ANKS1A: variants seen among roughly 807,000 people sequenced by gnomAD.
ANKS1A encodes the protein ankyrin repeat and SAM domain-containing protein 1A.
Under a neutral mutation model 120.3 loss-of-function variants are expected in ANKS1A, and 55 were observed. The observed-to-expected ratio is 0.46, with a 90% CI of 0.37 to 0.57. ANKS1A has a LOEUF of 0.57. ANKS1A is among the 20% of genes least tolerant of loss of function. The pLI, the probability that ANKS1A is intolerant of heterozygous loss-of-function variation, is 0.00. For missense variants in ANKS1A, 1,123 were observed against 1,480.3 expected (o/e 0.76, Z 3.96); for synonymous variants, 590 against 604.7 (o/e 0.98, Z 0.36).
chr6:34,944,430 C>T (rs887610563), intron 1 of ANKS1A, among the ~76,000 whole-genome samples: 1 of 152,182 alleles, frequency 6.6e-6, no homozygotes, highest in African/African-American at 2.4e-5. Context: ...TTTTAACTTG[C>T]ATTTCCCTAA....
chr6:35,088,648 G>C lies in ANKS1A; in HGVS notation c.*39G>C, dbSNP rs369393468. The C allele has an allele frequency of 1.2e-6, 2 of 1,614,156 alleles. No homozygotes were observed. The highest frequency in any genetic ancestry group is 1.1e-5 in the South Asian group (1 of 91,080). ...CACACTGTGCTGCGGAAACATAGAC[G>C]TGGGGGCATAGGCTCCCACTGCCAC... is the stretch of plus-strand genomic sequence containing the variant. On this transcript the variant is annotated 3_prime_UTR_variant, in exon 24 of 24. Transcript: ENST00000360359.
chr6:35,078,618 C>A lies in ANKS1A; in HGVS notation c.2245C>A (p.Arg749=), dbSNP rs775309517. 1.2e-6 allele frequency: 2 copies of A among 1,606,132 alleles called. No individual in the cohort carries two copies. Among genetic ancestry groups the A allele is most frequent in the African/African-American group, 2.7e-5 (2 of 74,878 alleles). The part of the protein sequence containing the change: ...RDIGISDPQH[R]RKLLQAARSL... ...CATCGGCATCAGCGACCCACAGCAC[C>A]GGCGGAAGCTGCTCCAGGCGGCACG... Residue 749 remains arginine (R), a synonymous_variant, in exon 14 of 24, where the codon CGG becomes AGG. Coordinates refer to ENST00000360359, the MANE Select transcript of ANKS1A (RefSeq NM_015245.3).
chr6:35,071,703 C>T (rs1037942832), intron 13 of ANKS1A, among the ~76,000 whole-genome samples: 4 of 152,246 alleles, frequency 2.6e-5, no homozygotes, highest in African/African-American at 9.6e-5. Context: ...GCTGGCCACA[C>T]GCTCCCAGTC....
At chr6:34,944,542 G>T (rs1442764763) in intron 1 of ANKS1A, among the ~76,000 whole-genome samples, 1 of 152,068 alleles carries the variant, frequency 6.6e-6, no homozygotes, top group African/African-American at 2.4e-5. Flanking sequence ...TTTAAATTAG[G>T]TTGTTTTCTT....
Position 35,089,487 on chromosome 6 carries a change from G to A in ANKS1A, c.*878G>A, listed in dbSNP as rs1778182218. 1.0e-6 allele frequency: 1 copy of A among 986,530 alleles called. No individual in the cohort carries two copies. The highest frequency in any genetic ancestry group is 6.1e-5 in the Admixed American group (1 of 16,336). The allele number at this position is 986,530 out of a possible 1,614,324, so 61.1% of individuals were successfully genotyped here. A position where few individuals can be genotyped will look rare whatever the true frequency, so the allele number is the denominator to read the frequency against. ...AGCTTTGTTTGGGGCATTAATGCTT[G>A]GAGTGGGGTCAGCTAAGGTTGCTAC... On this transcript the variant is annotated 3_prime_UTR_variant, in exon 24 of 24. Coordinates refer to ENST00000360359, the MANE Select transcript of ANKS1A (RefSeq NM_015245.3).
intron 1 of ANKS1A, among the ~76,000 whole-genome samples, chr6:34,931,149 T>TC (rs1768961903): frequency 4.9e-5 from 7 of 144,182 alleles, no homozygotes; most frequent in Admixed American, 4.8e-4. Context: ...AAGGCTGTTT[T>TC]CTTTTTTTTT....
In ANKS1A at chr6:34,957,895, T is replaced by C. The variant is rs1200661563; in HGVS notation, c.198-9344T>C. Among the ~76,000 whole-genome samples, 13 of 152,244 alleles carry C rather than the reference T, an allele frequency of 8.5e-5. No homozygotes were observed. In the East Asian group the frequency reaches 2.5e-3, roughly 29 times the overall value. On this transcript the variant is annotated intron_variant, in intron 1 of 23. Transcript: ENST00000360359. ...ATGACAATCAGCAAGCCATTTGAAC[T>C]TCAGTTTTCTTACCTGTAAAATGGA... is the stretch of plus-strand genomic sequence containing the variant.
intron 1 of ANKS1A, among the ~76,000 whole-genome samples, chr6:34,924,131 T>TGTGTGTGTGTGTG (rs1561850542): frequency 8.2e-6 from 1 of 121,312 alleles, no homozygotes. Context: ...GTGTGTGTAT[T>TGTGTGTGTGTGTG]TTTCTTTTCC....
At chr6:34,916,013 G>T (rs1369920945) in intron 1 of ANKS1A, among the ~76,000 whole-genome samples, 6 of 123,966 alleles carry the variant, frequency 4.8e-5, no homozygotes, top group Admixed American at 8.5e-5. Context: ...TTTTTTTGGA[G>T]ATGGAGTCTT....
chr6:34,981,541 G>T, intron 3 of ANKS1A, 149 bp from the exon 4 acceptor site: 1 of 781,868 alleles, frequency 1.3e-6, no homozygotes, highest in Non-Finnish European at 2.0e-6. Context: ...GTTTGTGGGG[G>T]AGTATGTCTG....
In ANKS1A at chr6:35,090,059, C is replaced by CT. The variant is rs1778214801; in HGVS notation, c.*1451dup. 1 of 1,261,596 alleles carries CT rather than the reference C, an allele frequency of 7.9e-7. No homozygotes were observed. The highest frequency in any genetic ancestry group is 1.0e-6 in the Non-Finnish European group (1 of 973,700). 78.2% of individuals were successfully genotyped at this position (1,261,596 alleles called of 1,614,324 possible). On this transcript the variant is annotated 3_prime_UTR_variant, in exon 24 of 24. Coordinates refer to ENST00000360359, the MANE Select transcript of ANKS1A (RefSeq NM_015245.3). ...AGAAATCAGAAGTGGGGCTGTGTCTCTGACTGGCTAGAGGCCAGGCCTTGT... is the reference window on the plus strand; with the variant it reads ...AGAAATCAGAAGTGGGGCTGTGTCTCTTGACTGGCTAGAGGCCAGGCCTTGT...
At chr6:34,988,227 T>G (rs1772312408) in intron 8 of ANKS1A, among the ~76,000 whole-genome samples, 1 of 152,246 alleles carries the variant, frequency 6.6e-6, no homozygotes, top group Non-Finnish European at 1.5e-5. Flanking sequence ...ACTTTTGCAT[T>G]ATAATGGCAG....
Position 35,082,584 on chromosome 6 carries a change from T to C in ANKS1A, c.2710-107T>C. 9 of 1,434,554 alleles carry C rather than the reference T, an allele frequency of 6.3e-6. No individual in the cohort carries two copies. Among genetic ancestry groups the C allele is most frequent in the East Asian group, 2.4e-5 (1 of 40,874 alleles). The allele number at this position is 1,434,554 out of a possible 1,614,324, so 88.9% of individuals were successfully genotyped here. A position where few individuals can be genotyped will look rare whatever the true frequency, so the allele number is the denominator to read the frequency against. On this transcript the variant is annotated intron_variant, in intron 17 of 23. Coordinates refer to ENST00000360359, the MANE Select transcript of ANKS1A (RefSeq NM_015245.3). This position sits in a 1 kb window ranked among gnomAD's most constrained non-coding sequence, Gnocchi z 4.1. The stretch of plus-strand genomic sequence containing the variant: ...GCCATCTCCACTCGACCCTTGAACT[T>C]GCTAAGGTCACTGGCATCTTCACCC...
rs1778184304 is a variant in ANKS1A at position 35,089,520 on chromosome 6, T to C, written c.*911T>C. 9 of 986,370 alleles carry C rather than the reference T, an allele frequency of 9.1e-6. No homozygotes were observed. The highest frequency in any genetic ancestry group is 1.1e-5 in the Non-Finnish European group (9 of 830,440). 61.1% of individuals were successfully genotyped at this position (986,370 alleles called of 1,614,324 possible). ...GTCAGCTAAGGTTGCTACTTGCCAA[T>C]TTGTGATTTGTCTAATCAGCCTGTG... On this transcript the variant is annotated 3_prime_UTR_variant, in exon 24 of 24. Coordinates refer to ENST00000360359, the MANE Select transcript of ANKS1A (RefSeq NM_015245.3).
chr6:34,954,736 G>A lies in ANKS1A; in HGVS notation c.198-12503G>A, dbSNP rs117109498. On this transcript the variant is annotated intron_variant, in intron 1 of 23. Coordinates refer to ENST00000360359, the MANE Select transcript of ANKS1A (RefSeq NM_015245.3). ...AGGTCCTGCCCACCTGTCACGTAGC[G>A]TCAGCATCCTTTGTGCATCAGTCCC... 6.0e-4 allele frequency among the ~76,000 whole-genome samples: 91 copies of A among 152,276 alleles called. No individual in the cohort carries two copies. The East Asian group carries it at 7.3e-3, about 12-fold the overall frequency.
chr6:34,934,279 C>T (rs1186129494), intron 1 of ANKS1A, among the ~76,000 whole-genome samples: 1 of 152,100 alleles, frequency 6.6e-6, no homozygotes, highest in Non-Finnish European at 1.5e-5. Flanking sequence ...TCCGGAGCAG[C>T]TGGGACTACA....
chr6:34,895,374 T>C (rs761438223), intron 1 of ANKS1A, among the ~76,000 whole-genome samples: 5 of 152,160 alleles, frequency 3.3e-5, no homozygotes, highest in Non-Finnish European at 7.3e-5. Context: ...GTTAGTGTTA[T>C]TATTTTTTAA....
chr6:34,947,978 A>G (rs1025656731), intron 1 of ANKS1A, among the ~76,000 whole-genome samples: 1 of 152,188 alleles, frequency 6.6e-6, no homozygotes, highest in Non-Finnish European at 1.5e-5. Context: ...ATTTAAACAT[A>G]TTACAATTAG....
rs1252784406 is a variant in ANKS1A, at chr6:35,090,825, C to T, written c.*2216C>T. On this transcript the variant is annotated 3_prime_UTR_variant, in exon 24 of 24. Coordinates refer to ENST00000360359, the MANE Select transcript of ANKS1A (RefSeq NM_015245.3). ...ATTCGGGTGGGAGACTTCAGATGGG[C>T]TCAGTACCTGTCCCAGCCACAGGCT... is the stretch of plus-strand genomic sequence containing the variant. The T allele has an allele frequency of 2.0e-6, 2 of 985,820 alleles. No individual in the cohort carries two copies. Among genetic ancestry groups the T allele is most frequent in the East Asian group, 2.3e-4 (2 of 8,830 alleles). The allele number at this position is 985,820 out of a possible 1,614,324, so 61.1% of individuals were successfully genotyped here. A position where few individuals can be genotyped will look rare whatever the true frequency, so the allele number is the denominator to read the frequency against.
Sources: gnomAD v4.1 joint callset for allele counts (sites outside exome capture counted in the v4.1 genomes callset) on GRCh38, gnomAD v4.1.1 for gene constraint, Gnocchi (gnomAD v3.1) non-coding constraint, MANE v1.5 for transcripts, NCBI Gene and HGNC (gene_info 2026-07-23, HGNC 2026-07-21) for gene names.